The following GALNT2 variants were observed in gnomAD, a reference collection of about 807,000 sequenced individuals.
GALNT2 encodes UDP-GalNAc:polypeptide N-acetylgalactosaminyltransferase 2.
In GALNT2, 31 loss-of-function variants were observed where a neutral mutation model predicts 81.4. The observed-to-expected ratio is 0.38, with a 90% confidence interval of 0.29 to 0.51. The LOEUF (loss-of-function observed/expected upper bound fraction) is 0.51. Ranked by LOEUF, GALNT2 falls within the 20% of genes least tolerant of loss-of-function variation. The probability of loss-of-function intolerance (pLI) is 0.87; values close to 1 mark genes in which losing one functional copy is unlikely to be tolerated. For synonymous variants in GALNT2, 303 were observed against 287.4 expected, an observed-to-expected ratio of 1.05 and a Z score of -0.55; for missense variants, 629 against 765.7, an observed-to-expected ratio of 0.82 and a Z score of 2.11.
chr1:230,144,981 C>T (rs368778957), intron 1 of GALNT2, among the ~76,000 whole-genome samples: 85 of 152,244 alleles, frequency 5.6e-4, no homozygotes, highest in African/African-American at 2.0e-3. Context: ...ATGTCAGGCT[C>T]CTCTCTTGCT....
chr1:230,179,759 C>G (rs1308021161), intron 2 of GALNT2, among the ~76,000 whole-genome samples: 4 of 152,090 alleles, frequency 2.6e-5, no homozygotes, highest in African/African-American at 9.7e-5. Context: ...TTCTCATTGT[C>G]TTGATAGTGT....
At chr1:230,264,303 T>C (rs1665967492) in intron 13 of GALNT2, 1 of 152,256 alleles carries the variant, frequency 6.6e-6, no homozygotes, top group Non-Finnish European at 1.5e-5. Flanking sequence ...CTGTGGGCAC[T>C]AAGGCGGCTG....
chr1:230,106,788 G>A (rs1031187457), intron 1 of GALNT2, among the ~76,000 whole-genome samples: 12 of 151,944 alleles, frequency 7.9e-5, no homozygotes, highest in Admixed American at 1.3e-4. Context: ...GTCTTGCCCA[G>A]TGTGGGGATG....
chr1:230,148,182 A>T (rs1168015242), intron 1 of GALNT2, among the ~76,000 whole-genome samples: 2 of 152,186 alleles, frequency 1.3e-5, no homozygotes, highest in African/African-American at 2.4e-5. Flanking sequence ...GAGAGCCACG[A>T]GGTGGACTTT....
intron 1 of GALNT2, among the ~76,000 whole-genome samples, chr1:230,153,400 G>A (rs1268627374): frequency 6.6e-6 from 1 of 152,170 alleles, no homozygotes; most frequent in Non-Finnish European, 1.5e-5. Context: ...TCATTGATGG[G>A]GGGTCAGCCT....
At chr1:230,118,760 A>G (rs531024658) in intron 1 of GALNT2, among the ~76,000 whole-genome samples, 28 of 151,922 alleles carry the variant, frequency 1.8e-4, no homozygotes, top group South Asian at 8.4e-4. Flanking sequence ...GCCCTGTAAG[A>G]TGCGGTTCAG....
At chr1:230,118,714 C>G (rs1029024721) in intron 1 of GALNT2, among the ~76,000 whole-genome samples, 2 of 152,162 alleles carry the variant, frequency 1.3e-5, no homozygotes, top group South Asian at 4.1e-4. Flanking sequence ...GGCTCCTCCC[C>G]GCACTGTCTC....
At chr1:230,069,282 T>A (rs576354063) in intron 1 of GALNT2, among the ~76,000 whole-genome samples, 2 of 152,088 alleles carry the variant, frequency 1.3e-5, no homozygotes, top group South Asian at 4.1e-4. Context: ...TTTTGTTTTG[T>A]TTTGTTTTGT....
intron 6 of GALNT2, 75 bp downstream of exon 6, chr1:230,236,800 A>C (rs1665047562): frequency 7.1e-7 from 1 of 1,402,630 alleles, no homozygotes. Flanking sequence ...GAAGTGCTTT[A>C]GCTCAAAGAG....
Position 230,257,442 on chromosome 1 carries a change from A to G in GALNT2, c.1136+2098A>G, listed in dbSNP as rs1390124350. 6.6e-6 allele frequency among the ~76,000 whole-genome samples: 1 copy of G among 152,154 alleles called. No individual in the cohort carries two copies. On this transcript the variant is annotated intron_variant, in intron 11 of 15. Coordinates refer to ENST00000366672, the MANE Select transcript of GALNT2 (RefSeq NM_004481.5). The surrounding 1 kb of genome is among the most constrained non-coding windows in gnomAD (Gnocchi z 4.6). ...GATTATAATACCGTGTGTTTACTCTACCTTTTCTTTGTTTAGATACACAAA... is the reference window on the plus strand; with the variant it reads ...GATTATAATACCGTGTGTTTACTCTGCCTTTTCTTTGTTTAGATACACAAA...
chr1:230,247,667 C>T (rs1055005797), intron 8 of GALNT2, among the ~76,000 whole-genome samples: 5 of 152,116 alleles, frequency 3.3e-5, no homozygotes, highest in Admixed American at 6.5e-5. Flanking sequence ...AAAGCAGCTG[C>T]GTATGTCAGA....
chr1:230,098,516 T>C (rs1660314311), intron 1 of GALNT2, among the ~76,000 whole-genome samples: 1 of 151,200 alleles, frequency 6.6e-6, no homozygotes, highest in African/African-American at 2.4e-5. Context: ...AAAGAAACAT[T>C]TAATAGAGAC....
intron 1 of GALNT2, among the ~76,000 whole-genome samples, chr1:230,079,736 T>C (rs970384703): frequency 3.3e-5 from 5 of 152,180 alleles, no homozygotes; most frequent in Non-Finnish European, 7.3e-5. Context: ...AAGTCTGGGT[T>C]CTTGGATGGT....
intron 1 of GALNT2, among the ~76,000 whole-genome samples, chr1:230,148,587 T>C (rs1466723257): frequency 6.6e-6 from 1 of 152,194 alleles, no homozygotes; most frequent in Non-Finnish European, 1.5e-5. Flanking sequence ...TCTTTTTTTT[T>C]CTTTCTTTCT....
intron 1 of GALNT2, among the ~76,000 whole-genome samples, chr1:230,078,572 C>T (rs910820): frequency 0.7 from 106,363 of 152,082 alleles, 38,149 homozygotes; most frequent in East Asian, 0.85. Flanking sequence ...CATCAGAGAT[C>T]ACGTTAGATC....
chr1:230,172,323 G>A (rs943341346), intron 1 of GALNT2, among the ~76,000 whole-genome samples: 2 of 152,180 alleles, frequency 1.3e-5, no homozygotes, highest in African/African-American at 2.4e-5. Context: ...TCCTGGCCAC[G>A]TGAGTTACCC....
intron 1 of GALNT2, among the ~76,000 whole-genome samples, chr1:230,060,979 C>T (rs2983376): frequency 0.71 from 108,520 of 151,854 alleles, 40,600 homozygotes; most frequent in Admixed American, 0.83. Context: ...CAACAAGATG[C>T]TCCAGGCTCA....
intron 2 of GALNT2, among the ~76,000 whole-genome samples, chr1:230,201,605 C>T (rs1290096922): frequency 6.6e-6 from 1 of 152,164 alleles, no homozygotes; most frequent in Non-Finnish European, 1.5e-5. Context: ...CTGCACGACC[C>T]AAGGGTTGAC....
chr1:230,186,216 G>C (rs1663330942), intron 2 of GALNT2, among the ~76,000 whole-genome samples: 1 of 152,150 alleles, frequency 6.6e-6, no homozygotes, highest in Non-Finnish European at 1.5e-5. Context: ...TTGTGTTCTT[G>C]ACTGTGGTTG....
Sources: allele counts gnomAD v4.1 joint callset (sites outside exome capture counted in the v4.1 genomes callset), GRCh38; gene constraint gnomAD v4.1.1; non-coding constraint Gnocchi (gnomAD v3.1); transcripts MANE v1.5; gene names NCBI Gene and HGNC (gene_info 2026-07-23, HGNC 2026-07-21).